AKAP13: variants seen among roughly 807,000 people sequenced by gnomAD.
AKAP13 encodes A-kinase anchoring protein 13, also known as A-kinase anchor protein 13.
AKAP13 carries 80 observed loss-of-function variants against 264.5 expected under a neutral mutation model. The ratio of observed to expected loss-of-function variants is 0.30; its 90% CI spans 0.25 to 0.36. AKAP13 has a LOEUF of 0.36. AKAP13 is among the 10% of genes least tolerant of loss of function. AKAP13 has a pLI of 1.00. For missense variants in AKAP13, 3,712 were observed against 3,435.2 expected (o/e 1.08, Z -2.01); for synonymous variants, 1,380 against 1,250.2 (o/e 1.10, Z -2.19).
At chr15:85,614,528 T>C (rs1486125233) in intron 8 of AKAP13, among the ~76,000 whole-genome samples, 1 of 152,212 alleles carries the variant, frequency 6.6e-6, no homozygotes, top group Non-Finnish European at 1.5e-5. Context: ...TCACTTGGCA[T>C]TTTTATTTTT....
chr15:85,735,351 AAG>A (rs2088375095), intron 31 of AKAP13, among the ~76,000 whole-genome samples: 1 of 152,204 alleles, frequency 6.6e-6, no homozygotes, highest in Non-Finnish European at 1.5e-5. Flanking sequence ...TCTCAGCTAA[AAG>A]AGTAATAATA....
At chr15:85,560,253 C>G (rs1434364072) in intron 5 of AKAP13, among the ~76,000 whole-genome samples, 1 of 151,822 alleles carries the variant, frequency 6.6e-6, no homozygotes, top group Non-Finnish European at 1.5e-5. Context: ...GCAGCCTTGA[C>G]CACTCGCCTC....
intron 14 of AKAP13, among the ~76,000 whole-genome samples, chr15:85,672,252 C>T (rs1211807009): frequency 6.6e-6 from 1 of 152,216 alleles, no homozygotes; most frequent in African/African-American, 2.4e-5. Flanking sequence ...GCTAGCCCCA[C>T]GTACCTTCCT....
chr15:85,403,814 T>C (rs1362161806), intron 1 of AKAP13, among the ~76,000 whole-genome samples: 3 of 147,374 alleles, frequency 2.0e-5, no homozygotes, highest in African/African-American at 7.6e-5. Context: ...CACCATCGCA[T>C]GCCATCCTGG....
chr15:85,547,007 G>T (rs1045741396), intron 5 of AKAP13, among the ~76,000 whole-genome samples: 5 of 152,138 alleles, frequency 3.3e-5, no homozygotes, highest in Non-Finnish European at 5.9e-5. Context: ...CTCCCAAAGT[G>T]CTGGGATTAC....
chr15:85,522,882 A>G (rs1239451290), intron 3 of AKAP13, among the ~76,000 whole-genome samples: 1 of 150,030 alleles, frequency 6.7e-6, no homozygotes, highest in Non-Finnish European at 1.5e-5. Flanking sequence ...TTTTTCCATC[A>G]TGCTTATGAG....
chr15:85,556,960 A>T (rs2078169393), intron 5 of AKAP13, among the ~76,000 whole-genome samples: 1 of 152,222 alleles, frequency 6.6e-6, no homozygotes, highest in African/African-American at 2.4e-5. Flanking sequence ...TTCTCTACAC[A>T]ATTTTGCTGT....
intron 5 of AKAP13, 173 bp downstream of exon 5, chr15:85,544,128 T>C: frequency 1.3e-6 from 1 of 776,048 alleles, no homozygotes; most frequent in Non-Finnish European, 2.2e-6. Context: ...ACCACTTCAT[T>C]GTCTGAGAGA....
intron 1 of AKAP13, among the ~76,000 whole-genome samples, chr15:85,422,286 A>G (rs2072560173): frequency 6.6e-6 from 1 of 152,120 alleles, no homozygotes; most frequent in African/African-American, 2.4e-5. Context: ...AGGCTACCTG[A>G]CCCAGTTTAG....
chr15:85,585,854 C>A, intron 8 of AKAP13, 31 bp downstream of exon 8: 1 of 1,610,520 alleles, frequency 6.2e-7, no homozygotes, highest in Non-Finnish European at 8.5e-7. Context: ...TATAAGGGCA[C>A]AAAATGTGTT....
chr15:85,653,415 A>G (rs1239688876), intron 10 of AKAP13, among the ~76,000 whole-genome samples: 1 of 152,180 alleles, frequency 6.6e-6, no homozygotes, highest in Non-Finnish European at 1.5e-5. Context: ...ATCCCCTTGC[A>G]TCTTTTCTCT....
In AKAP13 at chr15:85,741,050, T is replaced by C. The variant is rs777033018; in HGVS notation, c.7613T>C (p.Val2538Ala). The C allele has an allele frequency of 1.3e-5, 21 of 1,605,844 alleles. 1 individual carries two copies. In the South Asian group the frequency reaches 2.3e-4, roughly 18 times the overall value. ...TCCCCTCTGTGTGCCTCCCAGGGTG[T>C]GGTGCTGCAGCAGGACAGCTACATT... ...LYELLSALQG[V>A]VLQQDSYIED... Residue 2538 changes from valine to alanine, a missense_variant, in exon 35 of 37, where the codon GTG becomes GCG. Around this residue, in one of 3 missense-constraint regions of AKAP13, gnomAD observed 611 missense variants for 539.3 expected, o/e 1.13. Transcript: ENST00000394518.
Position 85,743,822 on chromosome 15 carries a change from G to C in AKAP13, c.8389G>C (p.Gly2797Arg). The change falls in exon 36 of 37, where the codon GGT (glycine) becomes CGT (arginine). Residue 2797 changes from glycine to arginine, a missense_variant. Physicochemically the swap from Gly to Arg is moderately radical, Grantham distance 125. Transcript: ENST00000394518. ...GAACAAAACCAGCCGCTCTCAGCCC[G>C]GTGGTGAGTCACGCACACCTGCTCT... ...KKNKTSRSQP[G>R]DGPASEVSAE... 6.2e-7 allele frequency: 1 copy of C among 1,607,690 alleles called. No individual in the cohort carries two copies. Among genetic ancestry groups the C allele is most frequent in the Non-Finnish European group, 8.5e-7 (1 of 1,177,246 alleles).
At chr15:85,488,616 C>T (rs1263095907) in intron 2 of AKAP13, among the ~76,000 whole-genome samples, 1 of 152,146 alleles carries the variant, frequency 6.6e-6, no homozygotes, top group African/African-American at 2.4e-5. Flanking sequence ...GTTGTAATTA[C>T]AGGAGTTCTC....
intron 5 of AKAP13, among the ~76,000 whole-genome samples, chr15:85,548,606 T>G (rs915166845): frequency 7.2e-5 from 11 of 152,150 alleles, no homozygotes; most frequent in African/African-American, 2.4e-4. Flanking sequence ...AAAAAAAGAT[T>G]GGTGCAAATA....
chr15:85,518,732 A>T (rs6496039), intron 2 of AKAP13, among the ~76,000 whole-genome samples: 79,339 of 151,982 alleles, frequency 0.52, 21,162 homozygotes, highest in Middle Eastern at 0.62. Flanking sequence ...GGGAGGCAGC[A>T]GGGGGAGGAT....
chr15:85,574,604 A>C (rs777706662), intron 5 of AKAP13, among the ~76,000 whole-genome samples: 1 of 152,204 alleles, frequency 6.6e-6, no homozygotes, highest in Non-Finnish European at 1.5e-5. Flanking sequence ...ATGTCATTGT[A>C]ACAGTTTTTC....
At chr15:85,434,155 T>C (rs867032644) in intron 1 of AKAP13, among the ~76,000 whole-genome samples, 6 of 152,078 alleles carry the variant, frequency 3.9e-5, no homozygotes, top group South Asian at 2.1e-4. Flanking sequence ...ATTGCCTCAC[T>C]TGGGAAGTGC....
chr15:85,651,133 C>T (rs895844187), intron 10 of AKAP13, among the ~76,000 whole-genome samples: 1 of 152,098 alleles, frequency 6.6e-6, no homozygotes, highest in Non-Finnish European at 1.5e-5. Context: ...AATGTTTATA[C>T]CTCTGTATAT....
Sources: gnomAD v4.1 joint callset for allele counts (sites outside exome capture counted in the v4.1 genomes callset) on GRCh38, gnomAD v4.1.1 for gene constraint, gnomAD v4.1.1 regional missense constraint, MANE v1.5 for transcripts, NCBI Gene and HGNC (gene_info 2026-07-23, HGNC 2026-07-21) for gene names.